The following RBFOX1 variants were observed in gnomAD, a reference collection of about 807,000 sequenced individuals.
The protein encoded by RBFOX1 is RNA binding protein fox-1 homolog 1.
In RBFOX1, 8 loss-of-function variants were observed where a neutral mutation model predicts 57.7. The observed-to-expected ratio is 0.14, with a 90% CI of 0.08 to 0.25. The LOEUF is 0.25. RBFOX1 is among the 10% of genes least tolerant of loss of function. The pLI, the probability that RBFOX1 is intolerant of heterozygous loss-of-function variation, is 1.00. For synonymous variants in RBFOX1, 326 were observed against 222.4 expected, an observed-to-expected ratio of 1.47 and a Z score of -4.15; for missense variants, 611 against 548.5, an observed-to-expected ratio of 1.11 and a Z score of -1.14.
At chr16:6,994,073 C>G (rs1412098662) in intron 3 of RBFOX1, among the ~76,000 whole-genome samples, 2 of 152,100 alleles carry the variant, frequency 1.3e-5, no homozygotes, top group Non-Finnish European at 2.9e-5. Flanking sequence ...GGCCTTAGTG[C>G]ACTTTAGCTG....
intron 1 of RBFOX1, among the ~76,000 whole-genome samples, chr16:6,198,061 C>T (rs1421089912): frequency 2.0e-5 from 3 of 152,166 alleles, no homozygotes; most frequent in African/African-American, 7.2e-5. Flanking sequence ...CTAATACTTA[C>T]CTGACGCAGA....
chr16:6,215,482 A>G (rs1338845839), intron 1 of RBFOX1, among the ~76,000 whole-genome samples: 2 of 150,286 alleles, frequency 1.3e-5, no homozygotes, highest in Non-Finnish European at 3.0e-5. Context: ...GAGGGAGAGA[A>G]GGAGACAGAG....
At chr16:7,404,389 C>T (rs1363397417) in intron 4 of RBFOX1, among the ~76,000 whole-genome samples, 1 of 152,176 alleles carries the variant, frequency 6.6e-6, no homozygotes, top group African/African-American at 2.4e-5. Flanking sequence ...TTGTAGGTCA[C>T]TGACCTATCA....
chr16:5,363,006 T>G (rs932009294), intron 1 of RBFOX1, among the ~76,000 whole-genome samples: 17 of 151,748 alleles, frequency 1.1e-4, no homozygotes, highest in African/African-American at 4.1e-4. Context: ...AGTGCAAATA[T>G]CTCTTTGAGA....
intron 2 of RBFOX1, among the ~76,000 whole-genome samples, chr16:6,465,099 CA>C (rs2095014577): frequency 6.6e-6 from 1 of 152,212 alleles, no homozygotes; most frequent in Non-Finnish European, 1.5e-5. Context: ...AATGTGTAAA[CA>C]TTGTTCTTAT....
chr16:7,007,054 G>C (rs1300243790), intron 3 of RBFOX1, among the ~76,000 whole-genome samples: 1 of 152,128 alleles, frequency 6.6e-6, no homozygotes, highest in Non-Finnish European at 1.5e-5. Flanking sequence ...GGCTCATCTG[G>C]TTTCTACACT....
chr16:5,722,136 C>A (rs1007152629), intron 3 of RBFOX1, among the ~76,000 whole-genome samples: 12 of 152,170 alleles, frequency 7.9e-5, no homozygotes, highest in African/African-American at 2.9e-4. Context: ...CCCACAGTTA[C>A]AATGGATAAT....
chr16:5,302,757 C>G (rs879452810), intron 1 of RBFOX1, among the ~76,000 whole-genome samples: 1 of 152,156 alleles, frequency 6.6e-6, no homozygotes, highest in Non-Finnish European at 1.5e-5. Flanking sequence ...CTCTCTAACA[C>G]TTAGTGTTTG....
chr16:6,948,375 C>CTTTTTTTTTTTTTTTTTTTTTT lies in RBFOX1; in HGVS notation c.-15-103674_-15-103653dup, dbSNP rs968186299. Among the ~76,000 whole-genome samples, 5 of 67,968 alleles carry CTTTTTTTTTTTTTTTTTTTTTT rather than the reference C, an allele frequency of 7.4e-5. 1 individual carries two copies. Among genetic ancestry groups the CTTTTTTTTTTTTTTTTTTTTTT allele is most frequent in the Non-Finnish European group, 1.1e-4 (4 of 35,426 alleles). The allele number at this position is 67,968 out of a possible 152,430, so 44.6% of individuals were successfully genotyped here. ...TACATGTCCTTTTCTTTCTCCCTTT[C>CTTTTTTTTTTTTTTTTTTTTTT]TTTTTTTTTTTTTTTTTTTTTTTTT... On this transcript the variant is annotated intron_variant, in intron 3 of 15. Coordinates refer to ENST00000550418, the MANE Select transcript of RBFOX1 (RefSeq NM_018723.4).
At chr16:6,742,179 T>C (rs184869394) in intron 3 of RBFOX1, among the ~76,000 whole-genome samples, 4 of 152,256 alleles carry the variant, frequency 2.6e-5, no homozygotes, top group African/African-American at 9.6e-5. Context: ...TTAAAGTGAC[T>C]TGAAGAAATA....
At position 5,718,655 on chromosome 16, in the gene RBFOX1, C is replaced by T. The variant is rs887804195; in HGVS notation, c.318+119694C>T. On this transcript the variant is annotated intron_variant, in intron 3 of 19. Coordinates refer to the RBFOX1 transcript ENST00000641259. ...GACATGGTAGCTCATGCTTGTAAGC[C>T]CAGAACTTTGGGAGGCCAAGGCAGG... Among the ~76,000 whole-genome samples, 32 of 152,186 alleles carry T rather than the reference C, an allele frequency of 2.1e-4. 1 individual carries two copies. Among genetic ancestry groups the T allele is most frequent in the Admixed American group, 2.1e-3 (32 of 15,294 alleles).
intron 2 of RBFOX1, among the ~76,000 whole-genome samples, chr16:5,544,951 CTTTTTTTTTTTTTTTT>C (rs59873374): frequency 1.2e-3 from 145 of 124,330 alleles, no homozygotes; most frequent in Non-Finnish European, 1.4e-3. Flanking sequence ...CTATTACATT[CTTTTTTTTTTTTTTTT>C]TTTTTTTTTT....
intron 1 of RBFOX1, among the ~76,000 whole-genome samples, chr16:6,071,621 T>G (rs1032301584): frequency 1.3e-5 from 2 of 152,206 alleles, no homozygotes; most frequent in African/African-American, 4.8e-5. Flanking sequence ...AAAAATCGAT[T>G]AACACATTTT....
chr16:5,324,752 A>G (rs1035080115), intron 1 of RBFOX1, among the ~76,000 whole-genome samples: 2 of 152,230 alleles, frequency 1.3e-5, no homozygotes, highest in Non-Finnish European at 2.9e-5. Flanking sequence ...TGGGAGCTAA[A>G]TGATGAACTC....
At position 7,459,146 on chromosome 16, in the gene RBFOX1, C is replaced by T. The variant is rs137892454; in HGVS notation, c.28-59001C>T. On this transcript the variant is annotated intron_variant, in intron 4 of 15. Coordinates refer to ENST00000550418, the MANE Select transcript of RBFOX1 (RefSeq NM_018723.4). ...GGTGGGTGAGTGGATGGATGAATGA[C>T]GGGTAGATGTATGGACTGAATAGGT... Among the ~76,000 whole-genome samples, 865 of 151,916 alleles carry T rather than the reference C, an allele frequency of 5.7e-3. 4 individuals are homozygous for T. The highest frequency in any genetic ancestry group is 9.2e-3 in the South Asian group (44 of 4,804).
intron 4 of RBFOX1, among the ~76,000 whole-genome samples, chr16:7,218,021 T>TGG: frequency 6.6e-6 from 1 of 150,966 alleles, no homozygotes; most frequent in East Asian, 2.0e-4. Flanking sequence ...TGTACGTGTG[T>TGG]GGGGTGTGTG....
intron 4 of RBFOX1, among the ~76,000 whole-genome samples, chr16:7,331,446 C>T (rs545320164): frequency 1.9e-4 from 29 of 152,276 alleles, no homozygotes; most frequent in Non-Finnish European, 4.1e-4. Flanking sequence ...TGTGGAACTA[C>T]ACACACCCAC....
chr16:7,426,739 C>T (rs550050022), intron 4 of RBFOX1, among the ~76,000 whole-genome samples: 7 of 152,222 alleles, frequency 4.6e-5, no homozygotes, highest in Admixed American at 1.3e-4. Context: ...AGCAGTGGAT[C>T]TTGGGTTAGA....
chr16:5,971,615 G>A (rs955645515), intron 4 of RBFOX1, among the ~76,000 whole-genome samples: 9 of 152,092 alleles, frequency 5.9e-5, no homozygotes, highest in South Asian at 2.1e-4. Context: ...TTTAATCAAC[G>A]GTTTAAGCCA....
Sources: gnomAD v4.1 joint callset for allele counts (sites outside exome capture counted in the v4.1 genomes callset) on GRCh38, gnomAD v4.1.1 for gene constraint, MANE v1.5 for transcripts, NCBI Gene and HGNC (gene_info 2026-07-23, HGNC 2026-07-21) for gene names.